The following IL1RAPL1 variants were observed in gnomAD, a reference collection of about 807,000 sequenced individuals.
IL1RAPL1 encodes interleukin-1 receptor accessory protein-like 1.
In IL1RAPL1, 3 loss-of-function variants were observed where a neutral mutation model predicts 48.4. That is an observed-to-expected ratio of 0.06 (90% confidence interval 0.03 to 0.16). The LOEUF is 0.16. Among genes scored for constraint, IL1RAPL1 ranks in the 10% least tolerant of loss-of-function variants. The pLI is 1.00. For synonymous variants in IL1RAPL1, 185 were observed against 187.7 expected, an observed-to-expected ratio of 0.99 and a Z score of 0.12; for missense variants, 349 against 530.6, an observed-to-expected ratio of 0.66 and a Z score of 3.36.
At chrX:29,862,200 A>T (rs907299695) in intron 6 of IL1RAPL1, among the ~76,000 whole-genome samples, 1 of 111,111 alleles carries the variant, frequency 9.0e-6, no homozygotes, top group African/African-American at 3.3e-5. Flanking sequence ...GCATTTGAGA[A>T]GATGATAATA....
intron 2 of IL1RAPL1, among the ~76,000 whole-genome samples, chrX:29,108,320 TTA>T (rs1928489476): frequency 9.0e-6 from 1 of 111,338 alleles, no homozygotes; most frequent in African/African-American, 3.3e-5. Flanking sequence ...ATGCACCAAT[TTA>T]TATGTCTATT....
intron 1 of IL1RAPL1, among the ~76,000 whole-genome samples, chrX:28,747,956 C>T (rs1428335851): frequency 8.9e-6 from 1 of 111,813 alleles, no homozygotes; most frequent in East Asian, 2.8e-4. Context: ...TCCTTTCATA[C>T]TACCACGTAT....
chrX:28,880,108 G>A lies in IL1RAPL1; in HGVS notation c.82+90683G>A, dbSNP rs778503254. On this transcript the variant is annotated intron_variant, in intron 2 of 10. Coordinates refer to ENST00000378993, the MANE Select transcript of IL1RAPL1 (RefSeq NM_014271.4). ...AAAATTATTCAATTCATATATGAATGAGCATATTATATCCAGAACCTACAG... is the reference window on the plus strand; with the variant it reads ...AAAATTATTCAATTCATATATGAATAAGCATATTATATCCAGAACCTACAG... Among the ~76,000 whole-genome samples, 5 of 112,529 alleles carry A rather than the reference G, an allele frequency of 4.4e-5. No individual in the cohort carries two copies. The East Asian group carries it at 1.4e-3, about 31-fold the overall frequency.
chrX:29,176,100 T>C (rs1352232622), intron 2 of IL1RAPL1, among the ~76,000 whole-genome samples: 2 of 96,595 alleles, frequency 2.1e-5, no homozygotes, highest in Non-Finnish European at 4.2e-5. Flanking sequence ...TTTTTTTTTT[T>C]TTTTTCTTTT....
intron 1 of IL1RAPL1, among the ~76,000 whole-genome samples, chrX:28,713,139 C>T (rs1398354679): frequency 2.7e-5 from 3 of 110,547 alleles, no homozygotes; most frequent in Non-Finnish European, 5.7e-5. Flanking sequence ...CTGCAAACTC[C>T]ACCTCATTGG....
At chrX:29,082,626 A>G (rs1392711) in intron 2 of IL1RAPL1, among the ~76,000 whole-genome samples, 26,418 of 111,036 alleles carry the variant, frequency 0.24, 2,887 homozygotes, top group African/African-American at 0.42. Context: ...AACCCATTCT[A>G]TGGCATACTT....
At chrX:29,895,029 G>A (rs1932353179) in intron 6 of IL1RAPL1, among the ~76,000 whole-genome samples, 2 of 107,720 alleles carry the variant, frequency 1.9e-5, no homozygotes, top group Non-Finnish European at 3.8e-5. Flanking sequence ...TCACCATATT[G>A]GCCAGGCTGG....
At chrX:29,577,742 C>A (rs1373726725) in intron 5 of IL1RAPL1, among the ~76,000 whole-genome samples, 1 of 111,996 alleles carries the variant, frequency 8.9e-6, no homozygotes, top group Non-Finnish European at 1.9e-5. Context: ...CTAAAGACCT[C>A]TCAGGGAGGT....
At position 28,691,172 on chromosome X, in the gene IL1RAPL1, C is replaced by T. The variant is rs186102886; in HGVS notation, c.-24-98148C>T. On this transcript the variant is annotated intron_variant, in intron 1 of 10. Coordinates refer to ENST00000378993, the MANE Select transcript of IL1RAPL1 (RefSeq NM_014271.4). ...TTCAGCCTTATCTCCCTCCCCACCC[C>T]TGCCCCTGATATGCCATCTTACTCT... Among the ~76,000 whole-genome samples the T allele has an allele frequency of 1.5e-3, 163 of 110,930 alleles. 1 individual carries two copies. Among genetic ancestry groups the T allele is most frequent in the Non-Finnish European group, 2.2e-3 (119 of 52,973 alleles).
At chrX:29,902,724 A>G (rs1932519121) in intron 6 of IL1RAPL1, among the ~76,000 whole-genome samples, 1 of 111,667 alleles carries the variant, frequency 9.0e-6, no homozygotes. Context: ...TATTAACTTA[A>G]TTAACTCCAA....
intron 2 of IL1RAPL1, among the ~76,000 whole-genome samples, chrX:29,019,125 A>G (rs1393855848): frequency 9.0e-6 from 1 of 111,174 alleles, no homozygotes; most frequent in African/African-American, 3.3e-5. Flanking sequence ...TCACTATCAC[A>G]AGAACAGGAT....
intron 3 of IL1RAPL1, among the ~76,000 whole-genome samples, chrX:29,388,572 C>T (rs1293157520): frequency 1.8e-5 from 2 of 112,206 alleles, no homozygotes; most frequent in Non-Finnish European, 3.8e-5. Flanking sequence ...TGTGATATAT[C>T]ATACAATGGG....
chrX:29,022,692 T>C (rs888803738), intron 2 of IL1RAPL1, among the ~76,000 whole-genome samples: 1 of 111,779 alleles, frequency 8.9e-6, no homozygotes, highest in South Asian at 3.8e-4. Flanking sequence ...AAAGGACTTA[T>C]GCCTAAAGCT....
chrX:28,632,875 T>C (rs940899627), intron 1 of IL1RAPL1, among the ~76,000 whole-genome samples: 1 of 100,047 alleles, frequency 1.0e-5, no homozygotes, highest in Non-Finnish European at 2.0e-5. Flanking sequence ...TCTAGAAAAC[T>C]TCACTGTATG....
intron 1 of IL1RAPL1, among the ~76,000 whole-genome samples, chrX:28,705,624 A>G (rs190933428): frequency 8.9e-6 from 1 of 112,021 alleles, no homozygotes; most frequent in Admixed American, 9.5e-5. Flanking sequence ...CAAGGATTTC[A>G]TATTCCAGTG....
chrX:29,117,540 C>T (rs1177658357), intron 2 of IL1RAPL1, among the ~76,000 whole-genome samples: 1 of 111,937 alleles, frequency 8.9e-6, no homozygotes, highest in Non-Finnish European at 1.9e-5. Context: ...TTTAAATGTA[C>T]AGCAAGTGTA....
chrX:29,660,531 G>A (rs899700906), intron 5 of IL1RAPL1, among the ~76,000 whole-genome samples: 5 of 111,558 alleles, frequency 4.5e-5, no homozygotes, highest in Admixed American at 9.6e-5. Flanking sequence ...TAAAAGATGG[G>A]TATCTACTTT....
intron 5 of IL1RAPL1, among the ~76,000 whole-genome samples, chrX:29,429,402 C>G (rs1934388820): frequency 1.8e-5 from 2 of 112,495 alleles, no homozygotes; most frequent in East Asian, 5.6e-4. Flanking sequence ...GTGGTACTTA[C>G]AAATAGCCAT....
intron 2 of IL1RAPL1, among the ~76,000 whole-genome samples, chrX:28,905,922 T>TTGAGTGAAA (rs1286429183): frequency 9.0e-6 from 1 of 111,616 alleles, no homozygotes; most frequent in East Asian, 2.8e-4. Flanking sequence ...GCAAGTATAT[T>TTGAGTGAAA]ATTAGTCCAG....
Sources: gnomAD v4.1 joint callset for allele counts (sites outside exome capture counted in the v4.1 genomes callset) on GRCh38, gnomAD v4.1.1 for gene constraint, MANE v1.5 for transcripts, NCBI Gene and HGNC (gene_info 2026-07-23, HGNC 2026-07-21) for gene names.